Variants in ENTREP2 observed in about 807,000 individuals in gnomAD.
The protein encoded by ENTREP2 is endosomal transmembrane epsin interactor 2.
chr15:29,613,432 A>G, the ENTREP2 span: 56 of 465,692 alleles, frequency 1.2e-4, no homozygotes, highest in Non-Finnish European at 2.6e-5. Flanking sequence ...CAGCTGACCC[A>G]CTCACTGGGT....
At chr15:29,490,662 C>T in the ENTREP2 span, among the ~76,000 whole-genome samples, 2 of 152,222 alleles carry the variant, frequency 1.3e-5, no homozygotes, top group African/African-American at 4.8e-5. Context: ...TCCAAGTCCC[C>T]ACTAGATTAG....
the ENTREP2 span, among the ~76,000 whole-genome samples, chr15:29,280,401 A>G: frequency 2.0e-5 from 3 of 152,172 alleles, no homozygotes; most frequent in African/African-American, 7.2e-5. Flanking sequence ...AGCCTTGAAC[A>G]GACAAAATAA....
chr15:29,288,182 T>C, the ENTREP2 span, among the ~76,000 whole-genome samples: 1 of 152,220 alleles, frequency 6.6e-6, no homozygotes, highest in Admixed American at 6.5e-5. Flanking sequence ...AAATATTTTT[T>C]AAATCAAGAC....
At chr15:29,611,827 C>G in the ENTREP2 span, among the ~76,000 whole-genome samples, 3 of 152,198 alleles carry the variant, frequency 2.0e-5, no homozygotes, top group African/African-American at 7.2e-5. Flanking sequence ...ATTCAGGAAG[C>G]TTCTTTGAGC....
the ENTREP2 span, among the ~76,000 whole-genome samples, chr15:29,405,566 C>A: frequency 2.6e-4 from 39 of 152,312 alleles, no homozygotes; most frequent in African/African-American, 8.4e-4. Context: ...CTGCCTCCCC[C>A]TCAACCCCCA....
the ENTREP2 span, among the ~76,000 whole-genome samples, chr15:29,331,193 TAGA>T: frequency 6.6e-6 from 1 of 152,232 alleles, no homozygotes; most frequent in Non-Finnish European, 1.5e-5. Flanking sequence ...GCATGACTTT[TAGA>T]AGGACCAAAG....
At chr15:29,635,113 T>G in the ENTREP2 span, among the ~76,000 whole-genome samples, 492 of 152,116 alleles carry the variant, frequency 3.2e-3, 3 homozygotes, top group African/African-American at 0.011. Flanking sequence ...AAAGTGCTGG[T>G]ATTACAGGCA....
the ENTREP2 span, among the ~76,000 whole-genome samples, chr15:29,651,880 C>CA: frequency 1.1e-4 from 17 of 152,242 alleles, no homozygotes; most frequent in African/African-American, 4.1e-4. Context: ...TGGACAGCAG[C>CA]AGGACGCAGA....
chr15:29,142,694 A>T, the ENTREP2 span, among the ~76,000 whole-genome samples: 2 of 152,238 alleles, frequency 1.3e-5, no homozygotes, highest in Non-Finnish European at 2.9e-5. Context: ...TCAACTCTGT[A>T]GGGCAGACAG....
At chr15:29,578,074 T>C in the ENTREP2 span, among the ~76,000 whole-genome samples, 1 of 152,178 alleles carries the variant, frequency 6.6e-6, no homozygotes, top group Non-Finnish European at 1.5e-5. Context: ...TTTGTTAAAA[T>C]GGTAAATTTT....
the ENTREP2 span, among the ~76,000 whole-genome samples, chr15:29,412,742 G>A: frequency 6.6e-6 from 1 of 151,640 alleles, no homozygotes; most frequent in Non-Finnish European, 1.5e-5. Context: ...TGTCTATTTT[G>A]TTAGAATTTT....
At chr15:29,519,376 C>T in the ENTREP2 span, among the ~76,000 whole-genome samples, 2 of 151,882 alleles carry the variant, frequency 1.3e-5, no homozygotes, top group African/African-American at 4.8e-5. Flanking sequence ...CCTACTTCCT[C>T]TGCCTCTTCC....
At chr15:29,269,509 T>C in the ENTREP2 span, 3 of 1,601,026 alleles carry the variant, frequency 1.9e-6, no homozygotes, top group Non-Finnish European at 2.6e-6. Flanking sequence ...GCGGGCGCCC[T>C]GAGGCGAGGG....
chr15:29,177,288 G>A, the ENTREP2 span, among the ~76,000 whole-genome samples: 1 of 152,148 alleles, frequency 6.6e-6, no homozygotes, highest in Non-Finnish European at 1.5e-5. Context: ...CTGTATGGCA[G>A]GATCCTCATC....
the ENTREP2 span, among the ~76,000 whole-genome samples, chr15:29,135,343 C>T: frequency 6.6e-5 from 10 of 151,910 alleles, no homozygotes; most frequent in East Asian, 7.8e-4. This position sits in a 1 kb window ranked among gnomAD's most constrained non-coding sequence, Gnocchi z 7.4. Context: ...CAGTCGTTTG[C>T]TTTCTCTCCC....
the ENTREP2 span, among the ~76,000 whole-genome samples, chr15:29,394,465 T>C: frequency 2.6e-5 from 4 of 152,192 alleles, no homozygotes; most frequent in African/African-American, 4.8e-5. Flanking sequence ...TAGTTATAAG[T>C]GGCTCAAGAA....
chr15:29,668,822 A>G, the ENTREP2 span, among the ~76,000 whole-genome samples: 1 of 152,178 alleles, frequency 6.6e-6, no homozygotes, highest in Non-Finnish European at 1.5e-5. Flanking sequence ...GTTTTCATTA[A>G]CTGCACCCAT....
At chr15:29,228,191 C>T in the ENTREP2 span, among the ~76,000 whole-genome samples, 7 of 151,928 alleles carry the variant, frequency 4.6e-5, no homozygotes, top group African/African-American at 1.7e-4. Context: ...TGGTGGCGGG[C>T]GCCTGTAATC....
At chr15:29,407,638 A>G in the ENTREP2 span, among the ~76,000 whole-genome samples, 4 of 152,022 alleles carry the variant, frequency 2.6e-5, no homozygotes, top group Non-Finnish European at 5.9e-5. Context: ...CAAGAAGGAC[A>G]TATCTCAGCA....
Sources: gnomAD v4.1 joint callset for allele counts (sites outside exome capture counted in the v4.1 genomes callset) on GRCh38, gnomAD v4.1.1 for gene constraint, Gnocchi (gnomAD v3.1) non-coding constraint, MANE v1.5 for transcripts, NCBI Gene and HGNC (gene_info 2026-07-23, HGNC 2026-07-21) for gene names.